Variants in NR2E1 observed in about 807,000 individuals in gnomAD.
NR2E1 encodes nuclear receptor subfamily 2 group E member 1, also known as nuclear receptor TLX.
Under a neutral mutation model 43.6 loss-of-function variants are expected in NR2E1, and 5 were observed. The ratio of observed to expected loss-of-function variants is 0.11; its 90% confidence interval spans 0.06 to 0.24. The LOEUF is 0.24. NR2E1 is among the 10% of genes least tolerant of loss of function. NR2E1 has a pLI of 1.00. For missense variants in NR2E1, 287 were observed against 496.7 expected (o/e 0.58, Z 4.01); for synonymous variants, 191 against 195.5 (o/e 0.98, Z 0.19).
In NR2E1 at chr6:108,180,804, T is replaced by C; in HGVS notation, c.740-3T>C. 1 of 1,613,764 alleles carries C rather than the reference T, an allele frequency of 6.2e-7. No individual in the cohort carries two copies. The highest frequency in any genetic ancestry group is 8.5e-7 in the Non-Finnish European group (1 of 1,179,628). On this transcript the variant is annotated splice_region_variant and splice_polypyrimidine_tract_variant and intron_variant, in intron 6 of 8. Coordinates refer to ENST00000368986, the MANE Select transcript of NR2E1 (RefSeq NM_003269.5). This position sits in a 1 kb window ranked among gnomAD's most constrained non-coding sequence, Gnocchi z 5.4. ...GAGTATTTATCCCATATTTTTATTC[T>C]AGGCATGAACGGTGACAACACAGAT...
rs1175679159 is a variant in NR2E1, at chr6:108,166,965, GA to G, written c.25+176del. Among the ~76,000 whole-genome samples, 1 of 152,194 alleles carries G rather than the reference GA, an allele frequency of 6.6e-6. No homozygotes were observed. Among genetic ancestry groups the G allele is most frequent in the Non-Finnish European group, 1.5e-5 (1 of 68,026 alleles). ...ACCGTGAGTTGGAGCATTTCGTGGA[GA>G]GGGGAGAGCCGTTTCGTTGCCTCTG... On this transcript the variant is annotated intron_variant, in intron 1 of 8. Transcript: ENST00000368986. The surrounding 1 kb of genome is among the most constrained non-coding windows in gnomAD (Gnocchi z 7.2).
intron 8 of NR2E1, among the ~76,000 whole-genome samples, chr6:108,183,406 T>C (rs972973554): frequency 6.6e-6 from 1 of 151,990 alleles, no homozygotes; most frequent in African/African-American, 2.4e-5. Flanking sequence ...AAAGCCAGGC[T>C]TTTAAAGAGA....
chr6:108,171,660 G>C, intron 2 of NR2E1, 57 bp downstream of exon 2: 1 of 1,609,340 alleles, frequency 6.2e-7, no homozygotes, highest in Non-Finnish European at 8.5e-7. Flanking sequence ...TCACTCTTTT[G>C]TTTGTGCCAA....
At chr6:108,177,538 T>A (rs1773920125) in intron 4 of NR2E1, among the ~76,000 whole-genome samples, 1 of 152,226 alleles carries the variant, frequency 6.6e-6, no homozygotes, top group South Asian at 2.1e-4. Flanking sequence ...ACGCACAATA[T>A]TTAATATGGC....
intron 7 of NR2E1, 126 bp from the exon 8 acceptor site, chr6:108,181,420 C>G: frequency 1.2e-6 from 1 of 806,016 alleles, no homozygotes; most frequent in Non-Finnish European, 2.2e-6. Flanking sequence ...TCTCGAACTG[C>G]TGACCTCAAG....
intron 5 of NR2E1, among the ~76,000 whole-genome samples, 186 bp downstream of exon 5, chr6:108,178,427 C>T (rs1773934876): frequency 6.6e-6 from 1 of 152,190 alleles, no homozygotes; most frequent in African/African-American, 2.4e-5. Context: ...CCTATATGAT[C>T]CTTAGTAAGA....
intron 8 of NR2E1, among the ~76,000 whole-genome samples, chr6:108,182,353 A>C (rs1211096683): frequency 6.6e-6 from 1 of 152,094 alleles, no homozygotes; most frequent in African/African-American, 2.4e-5. Flanking sequence ...CCAATCTCAA[A>C]TAAAAGGATG....
At chr6:108,183,757 T>C (rs971926073) in intron 8 of NR2E1, among the ~76,000 whole-genome samples, 1 of 152,256 alleles carries the variant, frequency 6.6e-6, no homozygotes. Flanking sequence ...TGTTGACAGA[T>C]AGTGCACCTG....
Position 108,180,392 on chromosome 6 carries a change from G to A in NR2E1, c.712G>A (p.Asp238Asn). The change falls in exon 6 of 9, where the codon GAT (aspartate) becomes AAT (asparagine). Residue 238 changes from aspartate (D) to asparagine (N), a missense_variant. By Grantham distance (23) the Asp-to-Asn change is conservative. Coordinates refer to ENST00000368986, the MANE Select transcript of NR2E1 (RefSeq NM_003269.5). This position sits in a 1 kb window ranked among gnomAD's most constrained non-coding sequence, Gnocchi z 5.4. ...AATAGCACAATGGGCCATTCCGGTT[G>A]ATGCTAACACTCTACTGGCTGTATC... ...LGIAQWAIPV[D>N]ANTLLAVSGM... 1 of 1,611,900 alleles carries A rather than the reference G, an allele frequency of 6.2e-7. No individual in the cohort carries two copies. Among genetic ancestry groups the A allele is most frequent in the South Asian group, 1.1e-5 (1 of 91,006 alleles).
chr6:108,187,681 G>A lies in NR2E1; in HGVS notation c.*218G>A, dbSNP rs574708385. 35 of 534,800 alleles carry A rather than the reference G, an allele frequency of 6.5e-5. No homozygotes were observed. Among genetic ancestry groups the A allele is most frequent in the African/African-American group, 2.8e-4 (15 of 52,642 alleles). 33.1% of individuals were successfully genotyped at this position (534,800 alleles called of 1,614,324 possible). On this transcript the variant is annotated 3_prime_UTR_variant, in exon 9 of 9. Coordinates refer to ENST00000368986, the MANE Select transcript of NR2E1 (RefSeq NM_003269.5). The stretch of plus-strand genomic sequence containing the variant: ...GGAAGGAGAGGGGTGCAACAGGACC[G>A]CCTGCACTGAAAACTCACTGCTGCC...
At chr6:108,184,414 G>GC (rs1774042217) in intron 8 of NR2E1, among the ~76,000 whole-genome samples, 2 of 152,166 alleles carry the variant, frequency 1.3e-5, no homozygotes, top group Non-Finnish European at 2.9e-5. Flanking sequence ...GCAAGACACT[G>GC]CCCCTTATCA....
intron 2 of NR2E1, 27 bp from the exon 3 acceptor site, chr6:108,174,809 C>A (rs1318174571): frequency 6.2e-7 from 1 of 1,605,438 alleles, no homozygotes; most frequent in Non-Finnish European, 8.5e-7. Flanking sequence ...GCCCTGGGGA[C>A]CGCTGACCTC....
chr6:108,172,155 G>A (rs954484691), intron 2 of NR2E1, among the ~76,000 whole-genome samples: 2 of 152,208 alleles, frequency 1.3e-5, no homozygotes, highest in Non-Finnish European at 2.9e-5. Flanking sequence ...CGTGCTTTCT[G>A]AAGGGTTGTG....
chr6:108,185,413 C>CACACAT (rs2114683636), intron 8 of NR2E1, among the ~76,000 whole-genome samples: 2 of 45,976 alleles, frequency 4.4e-5, no homozygotes, highest in South Asian at 8.5e-4. Context: ...CACACATACA[C>CACACAT]ACACACACAC....
intron 8 of NR2E1, among the ~76,000 whole-genome samples, chr6:108,182,241 CA>C (rs766203121): frequency 0.29 from 21,567 of 74,324 alleles, 1,426 homozygotes; most frequent in African/African-American, 0.42. Context: ...GACTCCGTCT[CA>C]AAAAAAAAAA....
chr6:108,174,046 G>A (rs1484355999), intron 2 of NR2E1, among the ~76,000 whole-genome samples: 1 of 152,046 alleles, frequency 6.6e-6, no homozygotes, highest in Non-Finnish European at 1.5e-5. Context: ...TACCTTCCTG[G>A]TCCTGTTTAC....
chr6:108,185,649 C>G (rs1774065499), intron 8 of NR2E1, among the ~76,000 whole-genome samples: 1 of 152,188 alleles, frequency 6.6e-6, no homozygotes, highest in Non-Finnish European at 1.5e-5. Flanking sequence ...CTCAGCCTCC[C>G]AAAGTGCTGG....
chr6:108,178,393 C>T, intron 5 of NR2E1, 152 bp downstream of exon 5: 1 of 782,454 alleles, frequency 1.3e-6, no homozygotes, highest in Non-Finnish European at 2.2e-6. Context: ...TTACTTGCTT[C>T]TTCCTGTGGG....
chr6:108,170,176 C>A (rs1211486100), intron 1 of NR2E1, among the ~76,000 whole-genome samples: 3 of 152,138 alleles, frequency 2.0e-5, no homozygotes, highest in Non-Finnish European at 2.9e-5. Flanking sequence ...ATCGTAGTCC[C>A]CAACCCAAGC....
Sources: gnomAD v4.1 joint callset for allele counts (sites outside exome capture counted in the v4.1 genomes callset) on GRCh38, gnomAD v4.1.1 for gene constraint, Gnocchi (gnomAD v3.1) non-coding constraint, MANE v1.5 for transcripts, NCBI Gene and HGNC (gene_info 2026-07-23, HGNC 2026-07-21) for gene names.